SEMA6D: variants seen among roughly 807,000 people sequenced by gnomAD.
SEMA6D encodes the protein semaphorin-6D.
Under a neutral mutation model 106.6 loss-of-function variants are expected in SEMA6D, and 35 were observed. The ratio of observed to expected loss-of-function variants is 0.33; its 90% CI spans 0.25 to 0.44. SEMA6D has a LOEUF of 0.44. Ranked by LOEUF, SEMA6D falls within the 20% of genes least tolerant of loss-of-function variation. The pLI is 1.00. For synonymous variants in SEMA6D, 499 were observed against 487.7 expected, an observed-to-expected ratio of 1.02 and a Z score of -0.31; for missense variants, 1,185 against 1,345.9, an observed-to-expected ratio of 0.88 and a Z score of 1.87.
intron 4 of SEMA6D, chr15:47,603,314 GTT>G (rs2076703262): frequency 6.6e-6 from 1 of 152,116 alleles, no homozygotes; most frequent in Admixed American, 6.6e-5. Flanking sequence ...CTTCCTATGT[GTT>G]TTTCATCCCT....
chr15:47,714,230 T>G (rs2079070364), upstream of SEMA6D, among the ~76,000 whole-genome samples: 1 of 152,178 alleles, frequency 6.6e-6, no homozygotes, highest in African/African-American at 2.4e-5. Flanking sequence ...TATTAACTAC[T>G]ATTACAACTA....
chr15:47,545,162 A>G (rs1877176487), intron 3 of SEMA6D, among the ~76,000 whole-genome samples: 1 of 152,156 alleles, frequency 6.6e-6, no homozygotes, highest in South Asian at 2.1e-4. Flanking sequence ...TATTTTCAAG[A>G]TAAATAATAC....
intron 1 of SEMA6D, among the ~76,000 whole-genome samples, chr15:47,348,718 CCA>C (rs1228740454): frequency 0.01 from 488 of 47,984 alleles, 14 homozygotes; most frequent in African/African-American, 0.028. Flanking sequence ...CACACACACA[CCA>C]CACACACAGA....
rs147880313 is a variant in SEMA6D, at chr15:47,289,471, T to G, written c.-239+105053T>G. Among the ~76,000 whole-genome samples, 936 of 151,844 alleles carry G rather than the reference T, an allele frequency of 6.2e-3. 15 individuals are homozygous for G. Among genetic ancestry groups the G allele is most frequent in the African/African-American group, 0.022 (890 of 41,394 alleles). ...ATTTGTTTTTCAGTATTTATAATCT[T>G]AAGGTAATCTAATTTTTCTTCTGAA... On this transcript the variant is annotated intron_variant, in intron 1 of 19. Transcript: ENST00000558014.
At chr15:47,541,333 C>T (rs560079233) in intron 3 of SEMA6D, among the ~76,000 whole-genome samples, 60 of 152,218 alleles carry the variant, frequency 3.9e-4, no homozygotes, top group African/African-American at 1.3e-3. Context: ...TCTACAAAGA[C>T]GATATCAGCA....
intron 3 of SEMA6D, among the ~76,000 whole-genome samples, chr15:47,477,302 A>G (rs7167129): frequency 0.025 from 3,778 of 152,252 alleles, 144 homozygotes; most frequent in South Asian, 0.076. Context: ...CCTGGTGCTC[A>G]TACACATTAC....
chr15:47,292,522 G>A (rs1040421850), intron 1 of SEMA6D, among the ~76,000 whole-genome samples: 1 of 151,946 alleles, frequency 6.6e-6, no homozygotes, highest in Non-Finnish European at 1.5e-5. Flanking sequence ...AACAATGATT[G>A]CATTTAGAAC....
chr15:47,724,178 T>C (rs989274161), intron 1 of SEMA6D, among the ~76,000 whole-genome samples: 1 of 152,256 alleles, frequency 6.6e-6, no homozygotes, highest in Non-Finnish European at 1.5e-5. Context: ...AAGATATTTT[T>C]AAAAGCTACA....
intron 4 of SEMA6D, among the ~76,000 whole-genome samples, chr15:47,617,756 TAC>T (rs981134356): frequency 1.6e-4 from 24 of 152,336 alleles, no homozygotes; most frequent in African/African-American, 5.8e-4. Flanking sequence ...AATGGGATGG[TAC>T]CTACCTCTTA....
chr15:47,342,556 A>G (rs1439212168), intron 1 of SEMA6D, among the ~76,000 whole-genome samples: 1 of 152,174 alleles, frequency 6.6e-6, no homozygotes, highest in Non-Finnish European at 1.5e-5. Flanking sequence ...AAAATGTACT[A>G]CCATTACTCA....
At chr15:47,365,912 AG>A (rs1316162094) in intron 1 of SEMA6D, among the ~76,000 whole-genome samples, 8 of 148,178 alleles carry the variant, frequency 5.4e-5, no homozygotes, top group Admixed American at 4.8e-4. Context: ...AGAGAGAGAG[AG>A]AGAGAGAGAG....
chr15:47,500,513 C>T (rs2043814113), intron 3 of SEMA6D, among the ~76,000 whole-genome samples: 1 of 152,032 alleles, frequency 6.6e-6, no homozygotes, highest in South Asian at 2.1e-4. Context: ...TAAAAACAGA[C>T]ATCATACAAA....
At chr15:47,217,874 TACACAC>T (rs150525483) in intron 1 of SEMA6D, among the ~76,000 whole-genome samples, 13 of 143,146 alleles carry the variant, frequency 9.1e-5, no homozygotes, top group South Asian at 2.3e-4. Context: ...TGTACACACA[TACACAC>T]ACACACACAC....
intron 2 of SEMA6D, among the ~76,000 whole-genome samples, chr15:47,432,563 G>A (rs1299231564): frequency 4.3e-5 from 2 of 46,136 alleles, no homozygotes; most frequent in African/African-American, 1.5e-4. Flanking sequence ...ATACATATAC[G>A]CATATGTATA....
rs33925888 is a variant in SEMA6D at position 47,254,331 on chromosome 15, G to GTGTATATATA, written c.-239+69914_-239+69915insGTATATATAT. The stretch of plus-strand genomic sequence containing the variant: ...TATATGTATATATATGTGTGTGTGT[G>GTGTATATATA]TATATATATATATATATATATAAAT... On this transcript the variant is annotated intron_variant, in intron 1 of 19. Transcript: ENST00000558014. 2.0e-3 allele frequency among the ~76,000 whole-genome samples: 276 copies of GTGTATATATA among 139,248 alleles called. 1 individual carries two copies. Among genetic ancestry groups the GTGTATATATA allele is most frequent in the African/African-American group, 6.9e-3 (262 of 38,104 alleles). 91.4% of individuals were successfully genotyped at this position (139,248 alleles called of 152,430 possible).
At chr15:47,208,010 C>CACAG (rs1895219186) in intron 1 of SEMA6D, among the ~76,000 whole-genome samples, 1 of 132,544 alleles carries the variant, frequency 7.5e-6, no homozygotes, top group South Asian at 2.3e-4. Flanking sequence ...CACACACACA[C>CACAG]ACACACACAC....
At chr15:47,276,421 C>T (rs1595607628) in intron 1 of SEMA6D, among the ~76,000 whole-genome samples, 1 of 152,124 alleles carries the variant, frequency 6.6e-6, no homozygotes, top group African/African-American at 2.4e-5. Flanking sequence ...TTGTTAGGGA[C>T]TGATGCAGCT....
At chr15:47,269,602 T>G (rs1175033913) in intron 1 of SEMA6D, among the ~76,000 whole-genome samples, 1 of 152,116 alleles carries the variant, frequency 6.6e-6, no homozygotes, top group African/African-American at 2.4e-5. Context: ...AATTAAATTG[T>G]TTTTAGCTTT....
intron 3 of SEMA6D, among the ~76,000 whole-genome samples, chr15:47,586,215 T>G (rs559581611): frequency 2.0e-4 from 30 of 152,348 alleles, no homozygotes; most frequent in Admixed American, 5.2e-4. Context: ...CTTAGATGTA[T>G]TTTCATGATG....
Sources: allele counts gnomAD v4.1 joint callset (sites outside exome capture counted in the v4.1 genomes callset), GRCh38; gene constraint gnomAD v4.1.1; transcripts MANE v1.5; gene names NCBI Gene and HGNC (gene_info 2026-07-23, HGNC 2026-07-21).